The following PARVA variants were observed in gnomAD, a reference collection of about 807,000 sequenced individuals.
PARVA encodes the protein alpha-parvin.
In PARVA, 25 loss-of-function variants were observed where a neutral mutation model predicts 52.6. The observed-to-expected ratio is 0.48, with a 90% confidence interval of 0.35 to 0.66. PARVA has a LOEUF of 0.66. Among genes scored for constraint, PARVA ranks in the 30% least tolerant of loss-of-function variants. The pLI, the probability that PARVA is intolerant of heterozygous loss-of-function variation, is 0.01. For synonymous variants in PARVA, 185 were observed against 179.1 expected, an observed-to-expected ratio of 1.03 and a Z score of -0.26; for missense variants, 373 against 450.9, an observed-to-expected ratio of 0.83 and a Z score of 1.56.
chr11:12,484,147 G>A (rs1051526392), intron 4 of PARVA, among the ~76,000 whole-genome samples: 2 of 152,212 alleles, frequency 1.3e-5, no homozygotes, highest in African/African-American at 4.8e-5. Context: ...CACCTAGGCA[G>A]TAGGCATGAC....
chr11:12,436,704 G>A (rs1213639292), intron 1 of PARVA, among the ~76,000 whole-genome samples: 2 of 152,110 alleles, frequency 1.3e-5, no homozygotes, highest in Admixed American at 1.3e-4. Flanking sequence ...TGGGAGGATG[G>A]GGGCAGGAAG....
intron 12 of PARVA, among the ~76,000 whole-genome samples, chr11:12,526,170 T>C (rs751109451): frequency 3.9e-5 from 6 of 152,180 alleles, no homozygotes; most frequent in Admixed American, 2.6e-4. Context: ...CACTGCTATA[T>C]AATTCATTCA....
chr11:12,446,902 C>G (rs2135010010), intron 1 of PARVA, among the ~76,000 whole-genome samples: 1 of 152,282 alleles, frequency 6.6e-6, no homozygotes, highest in East Asian at 1.9e-4. Flanking sequence ...GCTATGACTC[C>G]TATAAGTCTA....
At chr11:12,509,426 T>C (rs931230696) in intron 7 of PARVA, among the ~76,000 whole-genome samples, 2 of 151,916 alleles carry the variant, frequency 1.3e-5, no homozygotes, top group African/African-American at 2.4e-5. Flanking sequence ...CCCAGAGAGG[T>C]AGGAAAGATT....
At position 12,496,563 on chromosome 11, in the gene PARVA, A is replaced by T. The variant is rs772712254; in HGVS notation, c.506A>T (p.Lys169Ile). 21 of 1,612,336 alleles carry T rather than the reference A, an allele frequency of 1.3e-5. No homozygotes were observed. Among genetic ancestry groups the T allele is most frequent in the Non-Finnish European group, 1.8e-5 (21 of 1,179,364 alleles). ...CTGGAGAAGATCAATGAAACCCTGA[A>T]ACTTCCTCCCAGGAGCATCAAGTGG... ...TVLEKINETLKLPPRSIKWNV... is the reference protein window; with the variant it reads ...TVLEKINETLILPPRSIKWNV... The change falls in exon 5 of 13, where the codon AAA (lysine) becomes ATA (isoleucine). Residue 169 changes from lysine (K) to isoleucine (I), a missense_variant. Transcript: ENST00000334956.
chr11:12,426,555 A>G (rs1000401274), intron 1 of PARVA, among the ~76,000 whole-genome samples: 1 of 152,184 alleles, frequency 6.6e-6, no homozygotes, highest in Non-Finnish European at 1.5e-5. Context: ...AGCAATAAAT[A>G]TATTCTCTCA....
At position 12,534,248 on chromosome 11, in the gene PARVA, T is replaced by C. The variant is rs3087990; in HGVS notation, c.*6323T>C. Among the ~76,000 whole-genome samples the C allele has an allele frequency of 0.67, 102,623 of 152,070 alleles. 34,795 individuals are homozygous for C. Among genetic ancestry groups the C allele is most frequent in the Middle Eastern group, 0.79 (233 of 294 alleles). ...CAAATCATTGTTGTTCAAGGGTCAA[T>C]TGTATATTATTTTCACTGGAAGTTT... On this transcript the variant is annotated 3_prime_UTR_variant, in exon 13 of 13. Transcript: ENST00000334956.
chr11:12,405,788 C>A (rs1256146515), intron 1 of PARVA, among the ~76,000 whole-genome samples: 1 of 152,168 alleles, frequency 6.6e-6, no homozygotes, highest in Admixed American at 6.5e-5. Context: ...GAAACCCCAT[C>A]TCTACTAAAA....
intron 1 of PARVA, among the ~76,000 whole-genome samples, chr11:12,383,841 T>G (rs565371593): frequency 7.2e-5 from 11 of 152,192 alleles, no homozygotes; most frequent in Non-Finnish European, 1.5e-4. Flanking sequence ...ATTTTAAAAA[T>G]TTGCATATAA....
At chr11:12,497,629 C>T (rs1399433796) in intron 5 of PARVA, among the ~76,000 whole-genome samples, 2 of 152,048 alleles carry the variant, frequency 1.3e-5, no homozygotes, top group African/African-American at 2.4e-5. Flanking sequence ...ACAGCAGTGA[C>T]GCTGGGAACA....
At chr11:12,418,241 T>A (rs1940097363) in intron 1 of PARVA, among the ~76,000 whole-genome samples, 1 of 152,198 alleles carries the variant, frequency 6.6e-6, no homozygotes, top group Admixed American at 6.5e-5. Flanking sequence ...TAATACTCTG[T>A]GACAGACACT....
At chr11:12,422,586 C>T (rs1940166276) in intron 1 of PARVA, among the ~76,000 whole-genome samples, 1 of 67,110 alleles carries the variant, frequency 1.5e-5, no homozygotes, top group African/African-American at 5.0e-5. Flanking sequence ...GAACACCTTC[C>T]CTGTGTTAGC....
At chr11:12,412,752 T>C (rs1251403083) in intron 1 of PARVA, among the ~76,000 whole-genome samples, 8 of 152,106 alleles carry the variant, frequency 5.3e-5, no homozygotes, top group Non-Finnish European at 7.4e-5. Flanking sequence ...GGAAAAATGG[T>C]CTTGTTATAT....
intron 1 of PARVA, among the ~76,000 whole-genome samples, chr11:12,408,003 C>T (rs1939938947): frequency 6.6e-6 from 1 of 152,226 alleles, no homozygotes; most frequent in Admixed American, 6.5e-5. Flanking sequence ...GGTTTAAGGA[C>T]TCTAGAGTCT....
chr11:12,385,524 A>T (rs2134947325), intron 1 of PARVA, among the ~76,000 whole-genome samples: 1 of 152,298 alleles, frequency 6.6e-6, no homozygotes, highest in South Asian at 2.1e-4. Flanking sequence ...GGTCTGGGCA[A>T]CTAAAAAGAT....
chr11:12,427,017 T>C (rs184260779), intron 1 of PARVA, among the ~76,000 whole-genome samples: 1 of 152,208 alleles, frequency 6.6e-6, no homozygotes, highest in African/African-American at 2.4e-5. Context: ...TTAAAGAATT[T>C]AGAATCTAGA....
chr11:12,390,586 C>G (rs888097482), intron 1 of PARVA, among the ~76,000 whole-genome samples: 4 of 152,174 alleles, frequency 2.6e-5, no homozygotes. Context: ...CTGCTGTAGT[C>G]TCTATGTGGA....
chr11:12,383,728 A>C (rs913211816), intron 1 of PARVA, among the ~76,000 whole-genome samples: 2 of 152,054 alleles, frequency 1.3e-5, no homozygotes, highest in African/African-American at 2.4e-5. Flanking sequence ...ACTCCTGGGC[A>C]TATCTAACTT....
intron 1 of PARVA, among the ~76,000 whole-genome samples, chr11:12,421,426 G>A (rs907139571): frequency 6.6e-6 from 1 of 152,154 alleles, no homozygotes; most frequent in Non-Finnish European, 1.5e-5. Context: ...TCCTCTGAAA[G>A]TCTAAATTCC....
Sources: gnomAD v4.1 joint callset for allele counts (sites outside exome capture counted in the v4.1 genomes callset) on GRCh38, gnomAD v4.1.1 for gene constraint, MANE v1.5 for transcripts, NCBI Gene and HGNC (gene_info 2026-07-23, HGNC 2026-07-21) for gene names.